The following AKR1C4 variants were observed in gnomAD, a reference collection of about 807,000 sequenced individuals.
The protein encoded by AKR1C4 is 3-alpha-HSD1.
A neutral mutation model predicts 41.0 loss-of-function variants in AKR1C4; 44 were observed. The observed-to-expected ratio is 1.07, with a 90% CI of 0.84 to 1.38. The LOEUF (loss-of-function observed/expected upper bound fraction) is 1.38. AKR1C4 is among the 40% of genes most tolerant of loss of function. The pLI is 0.00. For missense variants in AKR1C4, 438 were observed against 387.9 expected (o/e 1.13, Z -1.09); for synonymous variants, 165 against 137.7 (o/e 1.20, Z -1.39).
chr10:5,204,535 T>C, intron 3 of AKR1C4, 42 bp downstream of exon 3: 1 of 1,405,238 alleles, frequency 7.1e-7, no homozygotes, highest in Non-Finnish European at 1.0e-6. Context: ...GTTCTCAGCA[T>C]GACCATCCTT....
intron 5 of AKR1C4, among the ~76,000 whole-genome samples, chr10:5,209,232 G>A (rs1358347501): frequency 9.9e-5 from 15 of 152,264 alleles, no homozygotes; most frequent in African/African-American, 3.6e-4. Context: ...TCTGCTGGGT[G>A]AAATAAGAGG....
chr10:5,197,771 T>C (rs1554796460), intron 1 of AKR1C4, among the ~76,000 whole-genome samples: 3 of 152,208 alleles, frequency 2.0e-5, no homozygotes, highest in African/African-American at 7.2e-5. Context: ...CTATACGTTG[T>C]AAGAATTTAC....
intron 2 of AKR1C4, among the ~76,000 whole-genome samples, chr10:5,203,859 A>AT (rs1318915678): frequency 6.6e-6 from 1 of 152,188 alleles, no homozygotes; most frequent in Non-Finnish European, 1.5e-5. Context: ...TATGTCTGGG[A>AT]TGACTTTCTT....
intron 5 of AKR1C4, among the ~76,000 whole-genome samples, chr10:5,211,804 T>C (rs1455071308): frequency 1.3e-5 from 2 of 152,198 alleles, no homozygotes; most frequent in Non-Finnish European, 2.9e-5. Flanking sequence ...GGGAGTTTAA[T>C]GGACTTACAG....
chr10:5,207,583 C>T, intron 5 of AKR1C4: 1 of 961,764 alleles, frequency 1.0e-6, no homozygotes, highest in Non-Finnish European at 1.5e-6. Context: ...GAACTTGTCT[C>T]TCTCAGAAAT....
chr10:5,208,958 T>C (rs554967077), intron 5 of AKR1C4, among the ~76,000 whole-genome samples: 85 of 146,846 alleles, frequency 5.8e-4, no homozygotes, highest in Non-Finnish European at 9.4e-4. Context: ...CTTTGGTCCG[T>C]TAACTTGTTG....
At chr10:5,213,919 A>T (rs1832614355) in intron 7 of AKR1C4, among the ~76,000 whole-genome samples, 1 of 152,130 alleles carries the variant, frequency 6.6e-6, no homozygotes, top group South Asian at 2.1e-4. Flanking sequence ...TTAATAAGCA[A>T]AAGTTTCTAC....
chr10:5,206,126 T>C, intron 4 of AKR1C4, 149 bp from the exon 5 acceptor site: 2 of 1,378,946 alleles, frequency 1.5e-6, no homozygotes, highest in Non-Finnish European at 9.8e-7. Context: ...CACTATCCTT[T>C]TGTTATCTGT....
chr10:5,203,417 C>T (rs1399081708), intron 2 of AKR1C4, among the ~76,000 whole-genome samples: 1 of 152,158 alleles, frequency 6.6e-6, no homozygotes, highest in Non-Finnish European at 1.5e-5. Context: ...ACCTTTGTGA[C>T]ACTTGTCACT....
intron 3 of AKR1C4, chr10:5,204,774 C>A: frequency 2.1e-6 from 1 of 475,836 alleles, no homozygotes; most frequent in Non-Finnish European, 3.9e-6. Flanking sequence ...TTCCTGAGTC[C>A]ATCTCTTAGG....
Position 5,200,237 on chromosome 10 carries a change from C to T in AKR1C4, c.141C>T (p.Arg47=). The T allele has an allele frequency of 6.2e-7, 1 of 1,614,182 alleles. No homozygotes were observed. The highest frequency in any genetic ancestry group is 8.5e-7 in the Non-Finnish European group (1 of 1,179,992). Residue 47 remains arginine, a synonymous_variant, in exon 2 of 9, where the codon CGC becomes CGT. Transcript: ENST00000263126. ...AATTAGCAATAGAAGCTGGCTTCCG[C>T]CATATTGATTCTGCTTATTTATACA... The part of the protein sequence containing the change: ...VTKLAIEAGF[R]HIDSAYLYNN...
chr10:5,216,877 G>C (rs1388528610), intron 8 of AKR1C4, 84 bp downstream of exon 8: 1 of 876,912 alleles, frequency 1.1e-6, no homozygotes, highest in African/African-American at 1.7e-5. Context: ...CTCAATACCA[G>C]GGAGACAGAG....
At chr10:5,212,308 G>A (rs1306356045) in intron 5 of AKR1C4, among the ~76,000 whole-genome samples, 2 of 152,042 alleles carry the variant, frequency 1.3e-5, no homozygotes, top group African/African-American at 4.8e-5. Flanking sequence ...CTTACATTCT[G>A]GCACAATTTG....
intron 7 of AKR1C4, 124 bp downstream of exon 7, chr10:5,213,283 T>TAG: frequency 7.0e-7 from 1 of 1,436,818 alleles, no homozygotes; most frequent in Non-Finnish European, 9.3e-7. Flanking sequence ...CACAAATGCT[T>TAG]TGTGTGCATA....
intron 5 of AKR1C4, among the ~76,000 whole-genome samples, chr10:5,211,113 A>G (rs1358380619): frequency 6.6e-6 from 1 of 151,872 alleles, no homozygotes; most frequent in Non-Finnish European, 1.5e-5. Context: ...CCATGAAACC[A>G]TTTTTTCCTC....
In AKR1C4 at chr10:5,213,027, C is replaced by A; in HGVS notation, c.714C>A (p.Asp238Glu). The A allele has an allele frequency of 6.2e-7, 1 of 1,614,088 alleles. No individual in the cohort carries two copies. The highest frequency in any genetic ancestry group is 1.1e-5 in the South Asian group (1 of 91,060). The change falls in exon 7 of 9, where the codon GAC becomes GAA. Residue 238 changes from aspartate to glutamate, a missense_variant. Asp to Glu is a conservative substitution (Grantham distance 45). Transcript: ENST00000263126. ...VDPNSPVLLE[D>E]PVLCALAKKH... ...CAAACTCCCCAGTTCTTTTGGAGGA[C>A]CCAGTTCTTTGTGCCTTAGCAAAGA...
At chr10:5,204,585 G>C in intron 3 of AKR1C4, 92 bp downstream of exon 3, 1 of 1,013,762 alleles carries the variant, frequency 9.9e-7, no homozygotes, top group Non-Finnish European at 1.6e-6. Flanking sequence ...GAGGGTGTAG[G>C]TGTTATTACA....
intron 7 of AKR1C4, among the ~76,000 whole-genome samples, chr10:5,215,033 A>G (rs1554798350): frequency 6.6e-6 from 1 of 152,236 alleles, no homozygotes; most frequent in African/African-American, 2.4e-5. Context: ...ATACAGATGA[A>G]TAAATTTGGA....
intron 5 of AKR1C4, among the ~76,000 whole-genome samples, chr10:5,212,343 C>A (rs1471953122): frequency 6.6e-6 from 1 of 152,108 alleles, no homozygotes; most frequent in African/African-American, 2.4e-5. Context: ...GAATCTTAAC[C>A]TATCCCAAGT....
Sources: gnomAD v4.1 joint callset for allele counts (sites outside exome capture counted in the v4.1 genomes callset) on GRCh38, gnomAD v4.1.1 for gene constraint, MANE v1.5 for transcripts, NCBI Gene and HGNC (gene_info 2026-07-23, HGNC 2026-07-21) for gene names.